Variants in CACNA1I observed in about 807,000 individuals in gnomAD.
The protein encoded by CACNA1I is calcium voltage-gated channel subunit alpha1 I.
A neutral mutation model predicts 201.6 loss-of-function variants in CACNA1I; 74 were observed. The observed-to-expected ratio is 0.37, with a 90% CI of 0.30 to 0.45. CACNA1I has a LOEUF of 0.45. Ranked by LOEUF, CACNA1I falls within the 20% of genes least tolerant of loss-of-function variation. The pLI is 1.00. For missense variants in CACNA1I, 2,346 were observed against 3,138.1 expected (o/e 0.75, Z 6.03); for synonymous variants, 1,431 against 1,345.2 (o/e 1.06, Z -1.40).
At chr22:39,627,422 G>A (rs936705359) in intron 4 of CACNA1I, among the ~76,000 whole-genome samples, 1 of 152,210 alleles carries the variant, frequency 6.6e-6, no homozygotes, top group African/African-American at 2.4e-5. Context: ...TGTGGACAGC[G>A]CCCCGAACGG....
intron 3 of CACNA1I, among the ~76,000 whole-genome samples, chr22:39,606,176 TG>T (rs1601812267): frequency 6.6e-6 from 1 of 152,160 alleles, no homozygotes; most frequent in East Asian, 1.9e-4. Flanking sequence ...TGATGGCTTA[TG>T]GGGTAGAGAG....
At position 39,659,826 on chromosome 22, in the gene CACNA1I, A is replaced by G; in HGVS notation, c.2578A>G (p.Ile860Val). 1 of 1,613,834 alleles carries G rather than the reference A, an allele frequency of 6.2e-7. No homozygotes were observed. Among genetic ancestry groups the G allele is most frequent in the Non-Finnish European group, 8.5e-7 (1 of 1,179,866 alleles). The change falls in exon 14 of 37, where the codon ATC becomes GTC. Residue 860 changes from isoleucine (I) to valine (V), a missense_variant. Ile to Val is a conservative substitution (Grantham distance 29, BLOSUM62 3). Transcript: ENST00000402142. This position sits in a 1 kb window ranked among gnomAD's most constrained non-coding sequence, Gnocchi z 4.3. ...TGTGCTCTTCAACCTGCTGGTGGCC[A>G]TCCTGGTGGAGGGCTTCCAGGCGGA... ...NYVLFNLLVA[I>V]LVEGFQAEGD...
chr22:39,662,470 G>C (rs950306780), intron 17 of CACNA1I, 35 bp downstream of exon 17: 13 of 1,363,564 alleles, frequency 9.5e-6, no homozygotes, highest in Non-Finnish European at 1.2e-5. Flanking sequence ...GACCTGGTGC[G>C]GTGGGATAGG....
intron 1 of CACNA1I, among the ~76,000 whole-genome samples, chr22:39,589,564 G>C (rs1569049936): frequency 6.6e-6 from 1 of 152,234 alleles, no homozygotes; most frequent in Non-Finnish European, 1.5e-5. Context: ...CCTGGAACAG[G>C]GATGCACACG....
Position 39,680,920 on chromosome 22 carries a change from C to T in CACNA1I, c.5542-10C>T, listed in dbSNP as rs772181897. ...CCTGGGTGACCCGAGGCCACCCCCTCTTCCTGCAGGTGCAGCTGGCTGAGA... is the reference window on the plus strand; with the variant it reads ...CCTGGGTGACCCGAGGCCACCCCCTTTTCCTGCAGGTGCAGCTGGCTGAGA... On this transcript the variant is annotated splice_polypyrimidine_tract_variant and intron_variant, in intron 33 of 36. Coordinates refer to ENST00000402142, the MANE Select transcript of CACNA1I (RefSeq NM_021096.4). The T allele has an allele frequency of 3.1e-5, 50 of 1,606,468 alleles. No homozygotes were observed. The highest frequency in any genetic ancestry group is 4.0e-5 in the Non-Finnish European group (47 of 1,177,558).
intron 3 of CACNA1I, among the ~76,000 whole-genome samples, chr22:39,608,712 C>T (rs1050220514): frequency 6.6e-6 from 1 of 151,632 alleles, no homozygotes; most frequent in Admixed American, 6.6e-5. Context: ...CCCAGCTACT[C>T]AGGAGGCTGA....
rs1456013986 is a variant in CACNA1I, at chr22:39,629,949, C to A, written c.581-4616C>A. 6.6e-6 allele frequency among the ~76,000 whole-genome samples: 1 copy of A among 152,186 alleles called. No individual in the cohort carries two copies. Among genetic ancestry groups the A allele is most frequent in the Non-Finnish European group, 1.5e-5 (1 of 68,028 alleles). On this transcript the variant is annotated intron_variant, in intron 4 of 36. Coordinates refer to ENST00000402142, the MANE Select transcript of CACNA1I (RefSeq NM_021096.4). This position sits in a 1 kb window ranked among gnomAD's most constrained non-coding sequence, Gnocchi z 4.8. Reference sequence around the variant, plus strand: ...ATCACGTCTCCCTTCTGCTCCATGACCCTTTGGAGAAGCTCAAGTCTTCCA... The same window carrying A: ...ATCACGTCTCCCTTCTGCTCCATGAACCTTTGGAGAAGCTCAAGTCTTCCA...
rs988674699 is a variant in CACNA1I at position 39,647,860 on chromosome 22, C to T, written c.1501C>T (p.Leu501Phe). 5.6e-6 allele frequency: 9 copies of T among 1,613,292 alleles called. No homozygotes were observed. The highest frequency in any genetic ancestry group is 7.6e-6 in the Non-Finnish European group (9 of 1,179,598). Residue 501 changes from leucine (L) to phenylalanine (F), a missense_variant, in exon 9 of 37, where the codon CTC (leucine) becomes TTC (phenylalanine). Around this residue, in one of 13 missense-constraint regions of CACNA1I, gnomAD observed 312 missense variants for 331.5 expected, o/e 0.94. Coordinates refer to ENST00000402142, the MANE Select transcript of CACNA1I (RefSeq NM_021096.4). The part of the protein sequence containing the change: ...TKGQGDEGRH[L>F]GSRHCQTLHG... ...GGGTCAGGGAGATGAAGGGAGACAT[C>T]TCGGAAGCCGGCATTGCCAGACTTT...
intron 4 of CACNA1I, among the ~76,000 whole-genome samples, chr22:39,623,543 TG>T (rs1264728359): frequency 6.7e-6 from 1 of 148,556 alleles, no homozygotes; most frequent in Non-Finnish European, 1.5e-5. Context: ...TATGTGTGCT[TG>T]TGTGTGTGTG....
chr22:39,659,287 C>A lies in CACNA1I; in HGVS notation c.2331-146C>A. ...CTTTCAGCAAGCATGAACCCCTAAG[C>A]CTCAGTGTTCATCTCTGTAAAATGG... On this transcript the variant is annotated intron_variant, in intron 12 of 36. Coordinates refer to ENST00000402142, the MANE Select transcript of CACNA1I (RefSeq NM_021096.4). This position sits in a 1 kb window ranked among gnomAD's most constrained non-coding sequence, Gnocchi z 4.3. 1.1e-6 allele frequency: 1 copy of A among 938,582 alleles called. No homozygotes were observed. The highest frequency in any genetic ancestry group is 1.6e-6 in the Non-Finnish European group (1 of 614,514). 58.1% of individuals were successfully genotyped at this position (938,582 alleles called of 1,614,324 possible). A position where few individuals can be genotyped will look rare whatever the true frequency, so the allele number is the denominator to read the frequency against.
At chr22:39,605,791 G>C (rs1048067687) in intron 3 of CACNA1I, among the ~76,000 whole-genome samples, 1 of 152,100 alleles carries the variant, frequency 6.6e-6, no homozygotes, top group Non-Finnish European at 1.5e-5. Context: ...GAGAGCTGGG[G>C]GAAAGGGAGT....
intron 35 of CACNA1I, among the ~76,000 whole-genome samples, chr22:39,683,135 C>T (rs559108218): frequency 6.6e-6 from 1 of 152,210 alleles, no homozygotes; most frequent in African/African-American, 2.4e-5. Flanking sequence ...ATCCTTCAGC[C>T]CTACCTGCAG....
At position 39,641,021 on chromosome 22, in the gene CACNA1I, G is replaced by A; in HGVS notation, c.895G>A (p.Asp299Asn). 1.9e-6 allele frequency: 3 copies of A among 1,614,050 alleles called. No individual in the cohort carries two copies. Among genetic ancestry groups the A allele is most frequent in the Non-Finnish European group, 2.5e-6 (3 of 1,179,910 alleles). The change falls in exon 6 of 37, where the codon GAC becomes AAC. Residue 299 changes from aspartate to asparagine, a missense_variant. Around this residue, in one of 13 missense-constraint regions of CACNA1I, gnomAD observed 227 missense variants for 412.5 expected, o/e 0.55. Coordinates refer to ENST00000402142, the MANE Select transcript of CACNA1I (RefSeq NM_021096.4). ...QGRECCLSKD[D>N]VYDFGAGRQD... ...CCGTGAGTGCTGCCTGTCCAAGGAC[G>A]ACGTCTACGACTTTGGGGCGGGGCG...
intron 3 of CACNA1I, among the ~76,000 whole-genome samples, chr22:39,609,587 T>C (rs1250059215): frequency 2.0e-5 from 3 of 152,232 alleles, no homozygotes; most frequent in African/African-American, 4.8e-5. Flanking sequence ...GCATGTCCAC[T>C]TGGATCAGGA....
At chr22:39,574,780 G>A (rs1339122361) in intron 1 of CACNA1I, among the ~76,000 whole-genome samples, 1 of 152,218 alleles carries the variant, frequency 6.6e-6, no homozygotes, top group African/African-American at 2.4e-5. Flanking sequence ...TGGGTGCGTA[G>A]CATCAGAGTC....
chr22:39,648,443 C>T lies in CACNA1I; in HGVS notation c.1567+517C>T, dbSNP rs535032882. Among the ~76,000 whole-genome samples, 1 of 152,112 alleles carries T rather than the reference C, an allele frequency of 6.6e-6. No homozygotes were observed. The highest frequency in any genetic ancestry group is 6.5e-5 in the Admixed American group (1 of 15,300). On this transcript the variant is annotated intron_variant, in intron 9 of 36. Transcript: ENST00000402142. The surrounding 1 kb of genome is among the most constrained non-coding windows in gnomAD (Gnocchi z 5.4). ...CCTTGCCCCTGGGCCTCCCCTCTGC[C>T]CTGGAAAACGAGAGTTGGCTGTCGC...
chr22:39,665,561 C>T lies in CACNA1I; in HGVS notation c.3915C>T (p.Pro1305=). The T allele has an allele frequency of 6.2e-7, 1 of 1,613,888 alleles. No homozygotes were observed. ...AGACACTCATCTCCTCCCTCAAGCC[C>T]ATCGGCAACATCGTGCTCATCTGCT... ...VVETLISSLK[P]IGNIVLICCA... Residue 1305 remains proline, a synonymous_variant, in exon 22 of 37, where the codon CCC becomes CCT. Transcript: ENST00000402142. The surrounding 1 kb of genome is among the most constrained non-coding windows in gnomAD (Gnocchi z 5.5).
At chr22:39,679,082 C>T (rs1935600075) in intron 31 of CACNA1I, 25 bp from the exon 32 acceptor site, 2 of 1,545,216 alleles carry the variant, frequency 1.3e-6, no homozygotes, top group Non-Finnish European at 8.7e-7. Flanking sequence ...CCGTCCTCAT[C>T]CTCACCGCCC....
chr22:39,674,879 G>A (rs1935475525), intron 29 of CACNA1I, among the ~76,000 whole-genome samples: 1 of 152,200 alleles, frequency 6.6e-6, no homozygotes, highest in African/African-American at 2.4e-5. Context: ...TAATTCTTTC[G>A]GGGACCGGGG....
Sources: gnomAD v4.1 joint callset for allele counts (sites outside exome capture counted in the v4.1 genomes callset) on GRCh38, gnomAD v4.1.1 for gene constraint, gnomAD v4.1.1 regional missense constraint, Gnocchi (gnomAD v3.1) non-coding constraint, MANE v1.5 for transcripts, NCBI Gene and HGNC (gene_info 2026-07-23, HGNC 2026-07-21) for gene names.